ZNF254: variants seen among roughly 807,000 people sequenced by gnomAD.
ZNF254 encodes the protein CTD-2017D11.1.
Under a neutral mutation model 12.4 loss-of-function variants are expected in ZNF254, and 10 were observed. That is an observed-to-expected ratio of 0.80 (90% CI 0.50 to 1.36). The LOEUF (loss-of-function observed/expected upper bound fraction) is 1.36, where lower values mean the gene tolerates loss of function less well. Among genes scored for constraint, ZNF254 ranks in the 40% most tolerant of loss-of-function variants. The pLI is 0.00. For synonymous variants in ZNF254, 305 were observed against 253.4 expected, an observed-to-expected ratio of 1.20 and a Z score of -1.93; for missense variants, 996 against 763.9, an observed-to-expected ratio of 1.30 and a Z score of -3.58.
chr19:24,042,686 A>C (rs1007490216), intron 1 of ZNF254, among the ~76,000 whole-genome samples: 3 of 152,118 alleles, frequency 2.0e-5, no homozygotes, highest in Non-Finnish European at 4.4e-5. Flanking sequence ...AGAACCCACC[A>C]ATTCCGGACA....
intron 3 of ZNF254, among the ~76,000 whole-genome samples, 155 bp from the exon 4 acceptor site, chr19:24,126,099 G>A (rs1974815489): frequency 6.6e-6 from 1 of 152,022 alleles, no homozygotes. Flanking sequence ...GAATGTTTTT[G>A]TTACATTTAT....
chr19:24,095,063 C>T (rs1195274461), intron 1 of ZNF254, among the ~76,000 whole-genome samples: 1 of 152,156 alleles, frequency 6.6e-6, no homozygotes, highest in Non-Finnish European at 1.5e-5. Flanking sequence ...AAGTATGTAC[C>T]TTCAATGGCT....
rs751155008 is a variant in ZNF254 at position 24,126,736 on chromosome 19, TCTC to T, written c.739_741del (p.Pro247del). On this transcript the variant is annotated inframe_deletion, in exon 4 of 4. Transcript: ENST00000357002. Reference sequence around the variant, plus strand: ...TTACAAATGTGAAGAATATAACAAATCTCCTAAGCAACTCTCAACCCTTACTAC... The same window carrying T: ...TTACAAATGTGAAGAATATAACAAATCTAAGCAACTCTCAACCCTTACTAC... The T allele has an allele frequency of 8.6e-5, 139 of 1,613,058 alleles. 1 individual carries two copies. Among genetic ancestry groups the T allele is most frequent in the East Asian group, 3.8e-4 (17 of 44,804 alleles).
chr19:24,061,431 AT>A (rs1248798479), intron 2 of ZNF254, among the ~76,000 whole-genome samples: 1 of 152,174 alleles, frequency 6.6e-6, no homozygotes, highest in African/African-American at 2.4e-5. Flanking sequence ...TACATAAAAG[AT>A]GTGATGCCTT....
chr19:24,070,054 A>G (rs112843352), intron 2 of ZNF254, among the ~76,000 whole-genome samples: 1,779 of 152,344 alleles, frequency 0.012, 16 homozygotes, highest in Non-Finnish European at 0.017. Flanking sequence ...GTGATATGCA[A>G]ACATCGAGCC....
At chr19:24,081,480 A>G (rs773860349) in intron 2 of ZNF254, among the ~76,000 whole-genome samples, 1 of 152,196 alleles carries the variant, frequency 6.6e-6, no homozygotes, top group Non-Finnish European at 1.5e-5. Flanking sequence ...GCTAATCAAT[A>G]AAAAATAGTT....
intron 2 of ZNF254, chr19:24,049,386 A>G (rs1970561918): frequency 6.6e-6 from 1 of 151,120 alleles, no homozygotes; most frequent in Non-Finnish European, 1.5e-5. Context: ...CATATTTTTG[A>G]TGTGTTGATT....
At chr19:24,062,951 C>T (rs1038194319) in intron 2 of ZNF254, among the ~76,000 whole-genome samples, 4 of 152,124 alleles carry the variant, frequency 2.6e-5, no homozygotes, top group Non-Finnish European at 5.9e-5. Context: ...CAGGTGCCCA[C>T]CACTATGCCA....
At chr19:24,106,342 A>G (rs1197719404) in intron 2 of ZNF254, 4 of 531,944 alleles carry the variant, frequency 7.5e-6, no homozygotes, top group Middle Eastern at 6.5e-4. Context: ...GGCATCACCA[A>G]TTTTTGATTC....
At chr19:24,061,846 G>A (rs1971081038) in intron 2 of ZNF254, among the ~76,000 whole-genome samples, 1 of 152,158 alleles carries the variant, frequency 6.6e-6, no homozygotes, top group Non-Finnish European at 1.5e-5. Flanking sequence ...CACTTCAAGA[G>A]GTAGAGGTGG....
chr19:24,120,159 A>C (rs1312602144), intron 3 of ZNF254, among the ~76,000 whole-genome samples: 1 of 152,078 alleles, frequency 6.6e-6, no homozygotes, highest in Admixed American at 6.6e-5. Flanking sequence ...TTGCGCAGGA[A>C]AACTGCCTTA....
At chr19:24,065,877 G>A (rs761782608) in intron 2 of ZNF254, 5 of 151,974 alleles carry the variant, frequency 3.3e-5, no homozygotes, top group Non-Finnish European at 4.4e-5. Flanking sequence ...TTTTTTTCTG[G>A]GCCTGCCTAC....
intron 2 of ZNF254, among the ~76,000 whole-genome samples, chr19:24,050,716 C>T (rs1169303183): frequency 2.6e-5 from 4 of 152,218 alleles, no homozygotes; most frequent in Non-Finnish European, 5.9e-5. Flanking sequence ...GGGATTGTGA[C>T]ATATTGCTTG....
intron 2 of ZNF254, among the ~76,000 whole-genome samples, chr19:24,052,363 G>T (rs1034461175): frequency 1.3e-5 from 2 of 152,156 alleles, no homozygotes; most frequent in Non-Finnish European, 2.9e-5. Context: ...CATATTTTGG[G>T]TATAGTGACA....
At chr19:24,046,595 G>T (rs1362192692) in intron 2 of ZNF254, among the ~76,000 whole-genome samples, 1 of 151,710 alleles carries the variant, frequency 6.6e-6, no homozygotes, top group Non-Finnish European at 1.5e-5. Flanking sequence ...CATTAACTAG[G>T]TTAAGTCAAT....
At chr19:24,085,137 T>C (rs987322406), upstream of ZNF254, among the ~76,000 whole-genome samples, 7 of 149,780 alleles carry the variant, frequency 4.7e-5, no homozygotes, top group Admixed American at 1.3e-4. Flanking sequence ...TTTCACCATA[T>C]TGGCCAGGCT....
At chr19:24,052,365 A>G (rs959968188) in intron 2 of ZNF254, among the ~76,000 whole-genome samples, 16 of 152,200 alleles carry the variant, frequency 1.1e-4, no homozygotes, top group African/African-American at 3.6e-4. Flanking sequence ...TATTTTGGGT[A>G]TAGTGACATA....
Position 24,126,989 on chromosome 19 carries a change from C to T in ZNF254, c.989C>T (p.Ala330Val), listed in dbSNP as rs1329756323. 1 of 1,613,610 alleles carries T rather than the reference C, an allele frequency of 6.2e-7. No homozygotes were observed. Among genetic ancestry groups the T allele is most frequent in the South Asian group, 1.1e-5 (1 of 91,068 alleles). ...KPYKCEECGK[A>V]FIWSSTLTRH... is the part of the protein sequence containing the mutation. Reference sequence around the variant, plus strand: ...TACAAGTGTGAAGAATGTGGCAAAGCATTTATATGGTCCTCAACACTAACT... The same window carrying T: ...TACAAGTGTGAAGAATGTGGCAAAGTATTTATATGGTCCTCAACACTAACT... The change falls in exon 4 of 4, where the codon GCA (alanine) becomes GTA (valine). Residue 330 changes from alanine (A) to valine (V), a missense_variant. By Grantham distance (64) the Ala-to-Val change is moderately conservative (BLOSUM62 0). Coordinates refer to ENST00000357002, the MANE Select transcript of ZNF254 (RefSeq NM_203282.4).
At chr19:24,070,342 C>G (rs371533451) in intron 2 of ZNF254, among the ~76,000 whole-genome samples, 1 of 152,308 alleles carries the variant, frequency 6.6e-6, no homozygotes, top group African/African-American at 2.4e-5. Context: ...TTTTCACAAC[C>G]AGTCAACAGT....
Sources: allele counts gnomAD v4.1 joint callset (sites outside exome capture counted in the v4.1 genomes callset), GRCh38; gene constraint gnomAD v4.1.1; transcripts MANE v1.5; gene names NCBI Gene and HGNC (gene_info 2026-07-23, HGNC 2026-07-21).